ZNF704: variants seen among roughly 807,000 people sequenced by gnomAD.
ZNF704 encodes the protein zinc finger protein 704, also known as glucocorticoid induced gene 1.
A neutral mutation model predicts 44.7 loss-of-function variants in ZNF704; 10 were observed. The ratio of observed to expected loss-of-function variants is 0.22; its 90% CI spans 0.14 to 0.38. ZNF704 has a LOEUF of 0.38. ZNF704 is among the 10% of genes least tolerant of loss of function. ZNF704 has a pLI of 1.00. For missense variants in ZNF704, 390 were observed against 545.5 expected (o/e 0.71, Z 2.84); for synonymous variants, 211 against 207.6 (o/e 1.02, Z -0.14).
intron 2 of ZNF704, among the ~76,000 whole-genome samples, chr8:80,812,836 CAAAT>C (rs1808112069): frequency 6.6e-6 from 1 of 152,086 alleles, no homozygotes; most frequent in Non-Finnish European, 1.5e-5. Flanking sequence ...TTTAGATAAA[CAAAT>C]GACCAATATC....
At chr8:80,881,945 A>T in the ZNF704 span, among the ~76,000 whole-genome samples, 2 of 152,314 alleles carry the variant, frequency 1.3e-5, no homozygotes, top group East Asian at 3.9e-4. Flanking sequence ...ATAACAATTA[A>T]AAAAAGTGTA....
chr8:80,670,468 T>TG (rs751635093), intron 5 of ZNF704, 35 bp downstream of exon 5: 1 of 1,513,658 alleles, frequency 6.6e-7, no homozygotes, highest in South Asian at 1.1e-5. Context: ...ACTGAGCAGA[T>TG]GGGGGCTGCA....
intron 7 of ZNF704, among the ~76,000 whole-genome samples, chr8:80,646,184 A>C (rs1817830998): frequency 6.6e-6 from 1 of 152,228 alleles, no homozygotes; most frequent in Non-Finnish European, 1.5e-5. Context: ...ACATTTAAAA[A>C]ATTATACAGG....
At chr8:80,862,129 G>C (rs531213189) in intron 1 of ZNF704, among the ~76,000 whole-genome samples, 1 of 145,572 alleles carries the variant, frequency 6.9e-6, no homozygotes, top group South Asian at 2.2e-4. Flanking sequence ...TCAGCCTCCC[G>C]AGGAGCTGGG....
intron 1 of ZNF704, among the ~76,000 whole-genome samples, chr8:80,829,485 TTGAAA>T (rs1563568771): frequency 1.3e-5 from 2 of 152,176 alleles, no homozygotes; most frequent in African/African-American, 4.8e-5. Context: ...CAGTATTAAG[TTGAAA>T]CAAAAATTGA....
intron 2 of ZNF704, among the ~76,000 whole-genome samples, chr8:80,756,130 A>C (rs557029032): frequency 6.6e-6 from 1 of 152,002 alleles, no homozygotes; most frequent in African/African-American, 2.4e-5. Flanking sequence ...AATGTAGCTG[A>C]AGAGCTATAG....
rs781334610 is a variant in ZNF704, at chr8:80,821,633, G to C, written c.-21-18C>G. Reference sequence around the variant, plus strand: ...CTCCCCACCTGTGAAATGAAACACAGAAATTCTTACTCACATAAAACATCA... The same window carrying C: ...CTCCCCACCTGTGAAATGAAACACACAAATTCTTACTCACATAAAACATCA... On this transcript the variant is annotated intron_variant, in intron 1 of 8. Transcript: ENST00000327835. 1 of 1,594,388 alleles carries C rather than the reference G, an allele frequency of 6.3e-7. No individual in the cohort carries two copies. The highest frequency in any genetic ancestry group is 1.1e-5 in the South Asian group (1 of 90,028).
chr8:80,758,822 T>C (rs1337223577), intron 2 of ZNF704, among the ~76,000 whole-genome samples: 1 of 152,238 alleles, frequency 6.6e-6, no homozygotes, highest in African/African-American at 2.4e-5. Context: ...TATTTTTCTT[T>C]ATGAATTACA....
chr8:80,815,317 T>C (rs992146545), intron 2 of ZNF704, among the ~76,000 whole-genome samples: 4 of 152,244 alleles, frequency 2.6e-5, no homozygotes, highest in Non-Finnish European at 4.4e-5. Context: ...TTCTTTGTTA[T>C]AACTGGTTTG....
rs192333270 is a variant in ZNF704, at chr8:80,629,560, T to C, written c.*11806A>G. On this transcript the variant is annotated 3_prime_UTR_variant, in exon 9 of 9. Coordinates refer to ENST00000327835, the MANE Select transcript of ZNF704 (RefSeq NM_001033723.3). Reference sequence around the variant, plus strand: ...GCTGAGTAATGTAGTAAAGCACTGATTAAAGAGCGAAGACAAATTATTAGG... The same window carrying C: ...GCTGAGTAATGTAGTAAAGCACTGACTAAAGAGCGAAGACAAATTATTAGG... The C allele has an allele frequency of 4.6e-5, 7 of 152,264 alleles. No homozygotes were observed. The highest frequency in any genetic ancestry group is 4.6e-4 in the Admixed American group (7 of 15,302). 9.4% of individuals were successfully genotyped at this position (152,264 alleles called of 1,614,324 possible).
At chr8:80,650,802 G>T (rs1817905279) in intron 7 of ZNF704, among the ~76,000 whole-genome samples, 1 of 152,188 alleles carries the variant, frequency 6.6e-6, no homozygotes, top group East Asian at 1.9e-4. Context: ...TTCAAATTCA[G>T]GAAATACAGA....
At chr8:80,793,443 T>A (rs550798974) in intron 2 of ZNF704, among the ~76,000 whole-genome samples, 68 of 152,324 alleles carry the variant, frequency 4.5e-4, no homozygotes, top group African/African-American at 1.6e-3. Context: ...ATTAAAATTA[T>A]GCTCTAGATG....
intron 1 of ZNF704, among the ~76,000 whole-genome samples, chr8:80,870,197 G>C (rs1051308968): frequency 6.6e-6 from 1 of 152,126 alleles, no homozygotes; most frequent in African/African-American, 2.4e-5. Flanking sequence ...AAAATTTGTA[G>C]TAATTTGTTA....
intron 1 of ZNF704, among the ~76,000 whole-genome samples, chr8:80,837,543 GGC>G (rs1808602552): frequency 6.6e-6 from 1 of 152,000 alleles, no homozygotes. Flanking sequence ...AATTGTTAGG[GGC>G]AGACCATCGA....
At chr8:80,686,444 A>G (rs1021734758) in intron 4 of ZNF704, among the ~76,000 whole-genome samples, 3 of 152,178 alleles carry the variant, frequency 2.0e-5, no homozygotes, top group African/African-American at 7.2e-5. Flanking sequence ...TGCAGTGGCC[A>G]GATCATAGCT....
chr8:80,716,201 T>G (rs1819069896), intron 2 of ZNF704, among the ~76,000 whole-genome samples: 1 of 152,192 alleles, frequency 6.6e-6, no homozygotes, highest in Non-Finnish European at 1.5e-5. Context: ...GCCTTCATCC[T>G]TCATCATAGA....
At position 80,750,161 on chromosome 8, in the gene ZNF704, C is replaced by A. The variant is rs962314670; in HGVS notation, c.222-57054G>T. On this transcript the variant is annotated intron_variant, in intron 2 of 8. Transcript: ENST00000327835. ...GTATGGTCTCACAGTCCTCACACAT[C>A]CCCCCAGGCAGCTGCAACATGGAAC... Among the ~76,000 whole-genome samples the A allele has an allele frequency of 4.6e-5, 7 of 152,102 alleles. No homozygotes were observed. The East Asian group carries it at 1.2e-3, about 25-fold the overall frequency.
chr8:80,711,663 G>A (rs1412773002), intron 2 of ZNF704, among the ~76,000 whole-genome samples: 1 of 152,188 alleles, frequency 6.6e-6, no homozygotes, highest in Non-Finnish European at 1.5e-5. Context: ...CAGGGGATAC[G>A]AGAAACTACC....
At chr8:80,787,279 CAT>C (rs1461324341) in intron 2 of ZNF704, among the ~76,000 whole-genome samples, 4 of 152,164 alleles carry the variant, frequency 2.6e-5, no homozygotes, top group Non-Finnish European at 5.9e-5. Context: ...AAAAATTATG[CAT>C]ATGAGAGCAC....
Sources: allele counts gnomAD v4.1 joint callset (sites outside exome capture counted in the v4.1 genomes callset), GRCh38; gene constraint gnomAD v4.1.1; transcripts MANE v1.5; gene names NCBI Gene and HGNC (gene_info 2026-07-23, HGNC 2026-07-21).